ATXN1: variants seen among roughly 807,000 people sequenced by gnomAD.
ATXN1 encodes ataxin 1.
Under a neutral mutation model 56.4 loss-of-function variants are expected in ATXN1, and 8 were observed. That is an observed-to-expected ratio of 0.14 (90% CI 0.08 to 0.26). The LOEUF is 0.26. Among genes scored for constraint, ATXN1 ranks in the 10% least tolerant of loss-of-function variants. The probability of loss-of-function intolerance (pLI) is 1.00; values close to 1 mark genes in which losing one functional copy is unlikely to be tolerated. For synonymous variants in ATXN1, 514 were observed against 494.6 expected (o/e 1.04, Z -0.52); for missense variants, 987 against 1,106.5 (o/e 0.89, Z 1.53).
intron 4 of ATXN1, among the ~76,000 whole-genome samples, chr6:16,538,937 C>T (rs376528914): frequency 1.2e-4 from 18 of 152,252 alleles, no homozygotes; most frequent in Middle Eastern, 3.4e-3. Flanking sequence ...CCACCTGCCT[C>T]GGCCTCCCAA....
chr6:16,323,015 C>T (rs1027589898), intron 7 of ATXN1, among the ~76,000 whole-genome samples: 56 of 152,330 alleles, frequency 3.7e-4, no homozygotes, highest in African/African-American at 1.2e-3. Flanking sequence ...GCCAACCTCA[C>T]AGACCTGCCA....
intron 6 of ATXN1, among the ~76,000 whole-genome samples, chr6:16,360,175 T>A (rs921979385): frequency 6.6e-6 from 1 of 152,192 alleles, no homozygotes; most frequent in Non-Finnish European, 1.5e-5. Flanking sequence ...GACCATGGGT[T>A]CTCAATATCT....
At chr6:16,479,422 A>G (rs374971016) in intron 6 of ATXN1, among the ~76,000 whole-genome samples, 2 of 152,352 alleles carry the variant, frequency 1.3e-5, no homozygotes, top group East Asian at 1.9e-4. Context: ...ACTTAGCAAT[A>G]ATTTATTACA....
intron 6 of ATXN1, among the ~76,000 whole-genome samples, chr6:16,339,507 C>A (rs557621475): frequency 6.6e-6 from 1 of 152,176 alleles, no homozygotes; most frequent in African/African-American, 2.4e-5. Flanking sequence ...ACTGCAAAGA[C>A]CCCAAGACCT....
chr6:16,476,830 G>C (rs1760334709), intron 6 of ATXN1, among the ~76,000 whole-genome samples: 1 of 152,142 alleles, frequency 6.6e-6, no homozygotes, highest in Non-Finnish European at 1.5e-5. Flanking sequence ...CCTTATTTCA[G>C]CTATGGTAGA....
chr6:16,508,398 C>A (rs1761019645), intron 5 of ATXN1, among the ~76,000 whole-genome samples: 1 of 152,104 alleles, frequency 6.6e-6, no homozygotes, highest in South Asian at 2.1e-4. Context: ...TAATAGAAAT[C>A]TCTAAATCCT....
intron 7 of ATXN1, among the ~76,000 whole-genome samples, chr6:16,316,865 C>CTTT (rs375359789): frequency 1.0e-5 from 1 of 99,498 alleles, no homozygotes; most frequent in Non-Finnish European, 1.8e-5. Flanking sequence ...GACTGCCTGT[C>CTTT]TTTTTTTTTT....
At position 16,355,222 on chromosome 6, in the gene ATXN1, A is replaced by T. The variant is rs79181244; in HGVS notation, c.-160-26752T>A. ...TTGCTGAGAGCAGAACCCAGCTTGG[A>T]TGCCCACAGATGCCGCTGTACTTTT... On this transcript the variant is annotated intron_variant, in intron 6 of 7. Transcript: ENST00000436367. Among the ~76,000 whole-genome samples, 29 of 152,282 alleles carry T rather than the reference A, an allele frequency of 1.9e-4. 2 individuals carry two copies. The highest frequency in any genetic ancestry group is 1.7e-3 in the East Asian group (9 of 5,182).
intron 6 of ATXN1, among the ~76,000 whole-genome samples, chr6:16,407,890 C>A (rs980344654): frequency 1.3e-5 from 2 of 152,184 alleles, no homozygotes; most frequent in Non-Finnish European, 2.9e-5. Context: ...TGACAGGAAA[C>A]CTGCCAGGGA....
At chr6:16,308,243 T>C (rs1760301609) in intron 7 of ATXN1, among the ~76,000 whole-genome samples, 1 of 151,586 alleles carries the variant, frequency 6.6e-6, no homozygotes, top group Non-Finnish European at 1.5e-5. Flanking sequence ...AGAGAATCGC[T>C]TGAACCCGGG....
chr6:16,404,954 C>T (rs2237214), intron 6 of ATXN1, among the ~76,000 whole-genome samples: 22,492 of 152,112 alleles, frequency 0.15, 1,813 homozygotes, highest in African/African-American at 0.2. Context: ...TTATTGCACA[C>T]CTAAAACATT....
intron 6 of ATXN1, among the ~76,000 whole-genome samples, chr6:16,387,721 T>C (rs1157106707): frequency 6.6e-6 from 1 of 152,182 alleles, no homozygotes; most frequent in Non-Finnish European, 1.5e-5. Flanking sequence ...ACAGATAGCA[T>C]TGTCTTAGGG....
chr6:16,551,308 G>C (rs1761916478), intron 4 of ATXN1, among the ~76,000 whole-genome samples: 1 of 152,168 alleles, frequency 6.6e-6, no homozygotes, highest in Non-Finnish European at 1.5e-5. Flanking sequence ...GGTGAAAACA[G>C]AGAATATATT....
intron 4 of ATXN1, among the ~76,000 whole-genome samples, chr6:16,525,189 A>C (rs559897146): frequency 9.8e-5 from 15 of 152,348 alleles, no homozygotes; most frequent in African/African-American, 3.4e-4. Context: ...AAAAGAAAGG[A>C]AATCAGTATA....
intron 5 of ATXN1, among the ~76,000 whole-genome samples, chr6:16,497,669 C>T (rs771205244): frequency 2.6e-5 from 4 of 152,148 alleles, no homozygotes; most frequent in Non-Finnish European, 5.9e-5. Context: ...TGGACGAGTC[C>T]AGCCTGGTGG....
intron 3 of ATXN1, among the ~76,000 whole-genome samples, chr6:16,609,439 C>T: frequency 6.6e-6 from 1 of 152,190 alleles, no homozygotes; most frequent in Non-Finnish European, 1.5e-5. Flanking sequence ...GAATGAGAAC[C>T]ACTGTCTCTT....
At chr6:16,340,097 C>T (rs1761212276) in intron 6 of ATXN1, among the ~76,000 whole-genome samples, 1 of 152,124 alleles carries the variant, frequency 6.6e-6, no homozygotes, top group African/African-American at 2.4e-5. Flanking sequence ...AATTTAACCT[C>T]ACCCAAACTC....
In ATXN1 at chr6:16,306,762, G is replaced by C; in HGVS notation, c.2015C>G (p.Pro672Arg). ...PERTSQLFDL[P>R]CSKLSVGDVC... ...ATCCCCAACTGAGAGTTTGGAACAC[G>C]GCAAATCAAAGAGCTGGCTGGTTCT... is the stretch of plus-strand genomic sequence containing the variant. Residue 672 changes from proline to arginine, a missense_variant, in exon 8 of 8, where the codon CCG (proline) becomes CGG (arginine). Physicochemically the swap from Pro to Arg is moderately radical, Grantham distance 103. This residue lies in a region of ATXN1 where 196 missense variants were observed against 196.7 expected (regional missense o/e 1.00). Transcript: ENST00000436367. The surrounding 1 kb of genome is among the most constrained non-coding windows in gnomAD (Gnocchi z 5.2). The C allele has an allele frequency of 6.2e-7, 1 of 1,614,104 alleles. No individual in the cohort carries two copies. Among genetic ancestry groups the C allele is most frequent in the South Asian group, 1.1e-5 (1 of 91,076 alleles).
At chr6:16,457,559 C>T (rs235161) in intron 6 of ATXN1, among the ~76,000 whole-genome samples, 43 of 152,178 alleles carry the variant, frequency 2.8e-4, no homozygotes, top group African/African-American at 1.0e-3. Context: ...TATTATCTCT[C>T]TAATAGGGAA....
Sources: allele counts gnomAD v4.1 joint callset (sites outside exome capture counted in the v4.1 genomes callset), GRCh38; gene constraint gnomAD v4.1.1; regional missense constraint gnomAD v4.1.1; non-coding constraint Gnocchi (gnomAD v3.1); transcripts MANE v1.5; gene names NCBI Gene and HGNC (gene_info 2026-07-23, HGNC 2026-07-21).